ZNF507: variants seen among roughly 807,000 people sequenced by gnomAD.
ZNF507 encodes the protein zinc finger protein 507.
In ZNF507, 29 loss-of-function variants were observed where a neutral mutation model predicts 80.0. The observed-to-expected ratio is 0.36, with a 90% CI of 0.27 to 0.49. The LOEUF (loss-of-function observed/expected upper bound fraction) is 0.49, where lower values mean the gene tolerates loss of function less well. ZNF507 is among the 20% of genes least tolerant of loss of function. The pLI, the probability that ZNF507 is intolerant of heterozygous loss-of-function variation, is 0.98. For missense variants in ZNF507, 1,081 were observed against 1,152.2 expected (o/e 0.94, Z 0.90); for synonymous variants, 462 against 422.5 (o/e 1.09, Z -1.15).
intron 5 of ZNF507, among the ~76,000 whole-genome samples, chr19:32,376,749 G>A (rs1250276832): frequency 1.3e-5 from 2 of 152,168 alleles, no homozygotes; most frequent in East Asian, 1.9e-4. Context: ...CGCGGAGACC[G>A]GTAGTGGCCC....
chr19:32,385,001 CAT>C lies in ZNF507; in HGVS notation c.*1921_*1922del, dbSNP rs1568311824. The C allele has an allele frequency of 1.3e-5, 2 of 151,878 alleles. No homozygotes were observed. Among genetic ancestry groups the C allele is most frequent in the South Asian group, 2.1e-4 (1 of 4,814 alleles). 9.4% of individuals were successfully genotyped at this position (151,878 alleles called of 1,614,324 possible). A position where few individuals can be genotyped will look rare whatever the true frequency, so the allele number is the denominator to read the frequency against. ...TATTATTACCCATACTGTTGCCACTCATATTGTAAGTCAGTTTTTTCATTGCT... is the reference window on the plus strand; with the variant it reads ...TATTATTACCCATACTGTTGCCACTCATTGTAAGTCAGTTTTTTCATTGCT... On this transcript the variant is annotated 3_prime_UTR_variant, in exon 7 of 7. Coordinates refer to ENST00000355898, the MANE Select transcript of ZNF507 (RefSeq NM_001136156.2).
At chr19:32,360,421 AT>A in intron 4 of ZNF507, 82 bp from the exon 5 acceptor site, 1 of 632,494 alleles carries the variant, frequency 1.6e-6, no homozygotes. Flanking sequence ...TGTGGTATAA[AT>A]TTTCATTTAC....
intron 5 of ZNF507, among the ~76,000 whole-genome samples, chr19:32,373,659 G>A (rs2868083): frequency 0.86 from 131,481 of 152,256 alleles, 57,009 homozygotes; most frequent in Admixed American, 0.9. Flanking sequence ...CACTTTCACT[G>A]AGATCCTCTG....
intron 5 of ZNF507, among the ~76,000 whole-genome samples, chr19:32,375,986 A>T (rs1466951444): frequency 6.6e-6 from 1 of 152,212 alleles, no homozygotes; most frequent in Non-Finnish European, 1.5e-5. Context: ...TAAGTGCCTA[A>T]GATTTTTATA....
At chr19:32,352,259 C>T (rs921345112) in intron 2 of ZNF507, among the ~76,000 whole-genome samples, 1 of 152,014 alleles carries the variant, frequency 6.6e-6, no homozygotes, top group Non-Finnish European at 1.5e-5. Flanking sequence ...ATGCCCTGTA[C>T]AAACTACATG....
chr19:32,351,837 C>T (rs1050645957), intron 2 of ZNF507, among the ~76,000 whole-genome samples: 1 of 152,104 alleles, frequency 6.6e-6, no homozygotes, highest in Non-Finnish European at 1.5e-5. Context: ...ACAAATTAAT[C>T]TCACTTTAAG....
intron 5 of ZNF507, among the ~76,000 whole-genome samples, chr19:32,368,683 G>A (rs1967431251): frequency 6.6e-6 from 1 of 152,178 alleles, no homozygotes; most frequent in South Asian, 2.1e-4. Flanking sequence ...TATATATTTT[G>A]TTTTGAAGAG....
At chr19:32,356,250 C>G (rs1967250312) in intron 3 of ZNF507, among the ~76,000 whole-genome samples, 1 of 152,146 alleles carries the variant, frequency 6.6e-6, no homozygotes, top group African/African-American at 2.4e-5. Flanking sequence ...AATTAGGAGT[C>G]TGGTGATTAC....
At chr19:32,367,104 C>G (rs1451383445) in intron 5 of ZNF507, among the ~76,000 whole-genome samples, 2 of 152,164 alleles carry the variant, frequency 1.3e-5, no homozygotes, top group African/African-American at 4.8e-5. Context: ...GTGAGGGTCT[C>G]AGGAGGCTTC....
intron 2 of ZNF507, among the ~76,000 whole-genome samples, chr19:32,352,474 C>CTTTTTTTTTTT (rs34217641): frequency 2.7e-5 from 4 of 146,300 alleles, no homozygotes; most frequent in Non-Finnish European, 6.0e-5. Flanking sequence ...GAATAGGAGT[C>CTTTTTTTTTTT]TTTTTTTTTT....
At chr19:32,374,141 A>T (rs1967512073) in intron 5 of ZNF507, among the ~76,000 whole-genome samples, 1 of 149,276 alleles carries the variant, frequency 6.7e-6, no homozygotes, top group Non-Finnish European at 1.5e-5. Context: ...ACTGAAATTC[A>T]TGCAGCTCGG....
rs528630473 is a variant in ZNF507, at chr19:32,384,103, G to T, written c.*1020G>T. ...CTGTGTTGAGCTTTTCTTTCCTGGG[G>T]TATATTAATTTAGTTATATTTAGCA... On this transcript the variant is annotated 3_prime_UTR_variant, in exon 7 of 7. Coordinates refer to ENST00000355898, the MANE Select transcript of ZNF507 (RefSeq NM_001136156.2). The T allele has an allele frequency of 1.3e-5, 2 of 152,210 alleles. No homozygotes were observed. Among genetic ancestry groups the T allele is most frequent in the South Asian group, 2.1e-4 (1 of 4,816 alleles). The allele number at this position is 152,210 out of a possible 1,614,324, so 9.4% of individuals were successfully genotyped here.
At position 32,384,137 on chromosome 19, in the gene ZNF507, A is replaced by T. The variant is rs1967658930; in HGVS notation, c.*1054A>T. 1 of 152,222 alleles carries T rather than the reference A, an allele frequency of 6.6e-6. No homozygotes were observed. The highest frequency in any genetic ancestry group is 1.5e-5 in the Non-Finnish European group (1 of 68,038). The allele number at this position is 152,222 out of a possible 1,614,324, so 9.4% of individuals were successfully genotyped here. A position where few individuals can be genotyped will look rare whatever the true frequency, so the allele number is the denominator to read the frequency against. On this transcript the variant is annotated 3_prime_UTR_variant, in exon 7 of 7. Transcript: ENST00000355898. ...TTTAGTTATATTTAGCAGAAGAGGAATATAACCAAATGTGACTAAAATATA... is the reference window on the plus strand; with the variant it reads ...TTTAGTTATATTTAGCAGAAGAGGATTATAACCAAATGTGACTAAAATATA...
Position 32,382,615 on chromosome 19 carries a change from C to T in ZNF507, c.2495+14C>T, listed in dbSNP as rs1335586793. 3 of 1,613,940 alleles carry T rather than the reference C, an allele frequency of 1.9e-6. No homozygotes were observed. Among genetic ancestry groups the T allele is most frequent in the East Asian group, 4.5e-5 (2 of 44,884 alleles). On this transcript the variant is annotated intron_variant, in intron 6 of 6. Transcript: ENST00000355898. ...ACAAAGTGGCAGGTATTTCATCCTA[C>T]CCCCTCCCTTTATTGCTATATGTAA...
At chr19:32,380,503 GAA>G (rs915476872) in intron 5 of ZNF507, 2 of 1,173,456 alleles carry the variant, frequency 1.7e-6, no homozygotes, top group African/African-American at 1.5e-5. Flanking sequence ...AGGTGGGTGA[GAA>G]AAAGAGTTTA....
At chr19:32,351,755 T>C (rs1235042250) in intron 2 of ZNF507, among the ~76,000 whole-genome samples, 1 of 152,054 alleles carries the variant, frequency 6.6e-6, no homozygotes, top group Non-Finnish European at 1.5e-5. Context: ...GATTCCAGAA[T>C]GCACCTAAAA....
At chr19:32,376,742 G>A (rs745462150) in intron 5 of ZNF507, among the ~76,000 whole-genome samples, 17 of 152,264 alleles carry the variant, frequency 1.1e-4, no homozygotes, top group Non-Finnish European at 1.5e-4. Context: ...ACCAAGACGC[G>A]GAGACCGGTA....
At chr19:32,356,337 A>G (rs926529140) in intron 3 of ZNF507, among the ~76,000 whole-genome samples, 4 of 152,174 alleles carry the variant, frequency 2.6e-5, no homozygotes, top group African/African-American at 9.7e-5. Context: ...CCAGTGTTTC[A>G]GTAAATACGG....
At chr19:32,356,026 G>A (rs183472322) in intron 3 of ZNF507, among the ~76,000 whole-genome samples, 2 of 152,188 alleles carry the variant, frequency 1.3e-5, no homozygotes, top group African/African-American at 4.8e-5. Context: ...GAATAAGAAA[G>A]CCCTTGAGTC....
Sources: gnomAD v4.1 joint callset for allele counts (sites outside exome capture counted in the v4.1 genomes callset) on GRCh38, gnomAD v4.1.1 for gene constraint, MANE v1.5 for transcripts, NCBI Gene and HGNC (gene_info 2026-07-23, HGNC 2026-07-21) for gene names.